The following PLXDC2 variants were observed in gnomAD, a reference collection of about 807,000 sequenced individuals.
The protein encoded by PLXDC2 is plexin domain-containing protein 2.
PLXDC2 carries 40 observed loss-of-function variants against 68.9 expected under a neutral mutation model. That is an observed-to-expected ratio of 0.58 (90% confidence interval 0.45 to 0.76). The LOEUF (loss-of-function observed/expected upper bound fraction) is 0.76, where lower values mean the gene tolerates loss of function less well. Ranked by LOEUF, PLXDC2 falls within the 30% of genes least tolerant of loss-of-function variation. The probability of loss-of-function intolerance (pLI) is 0.00; values close to 1 mark genes in which losing one functional copy is unlikely to be tolerated. For missense variants in PLXDC2, 644 were observed against 661.9 expected, an observed-to-expected ratio of 0.97 and a Z score of 0.30; for synonymous variants, 243 against 234.2, an observed-to-expected ratio of 1.04 and a Z score of -0.34.
At chr10:20,060,169 A>G (rs1836074759) in intron 3 of PLXDC2, among the ~76,000 whole-genome samples, 1 of 152,096 alleles carries the variant, frequency 6.6e-6, no homozygotes, top group African/African-American at 2.4e-5. Context: ...AGTAGCTGGG[A>G]TTGCAGGCCA....
In PLXDC2 at chr10:20,287,652, A is replaced by G. The variant is rs1836173664; in HGVS notation, c.*7833A>G. ...TCACTTGCAAAGAAATGTTAAAATC[A>G]TTTTAGGGAAATCAGTGAAGTCTCT... On this transcript the variant is annotated 3_prime_UTR_variant, in exon 14 of 14. Transcript: ENST00000377252. 1 of 152,308 alleles carries G rather than the reference A, an allele frequency of 6.6e-6. No individual in the cohort carries two copies. Among genetic ancestry groups the G allele is most frequent in the African/African-American group, 2.4e-5 (1 of 41,568 alleles). 9.4% of individuals were successfully genotyped at this position (152,308 alleles called of 1,614,324 possible). A position where few individuals can be genotyped will look rare whatever the true frequency, so the allele number is the denominator to read the frequency against.
At chr10:20,145,537 A>G (rs1834064777) in intron 5 of PLXDC2, among the ~76,000 whole-genome samples, 1 of 151,550 alleles carries the variant, frequency 6.6e-6, no homozygotes, top group African/African-American at 2.4e-5. Context: ...ACATGTGCAA[A>G]CAGTACACTT....
intron 1 of PLXDC2, 96 bp downstream of exon 1, chr10:19,817,287 A>G (rs900908766): frequency 4.1e-5 from 41 of 1,005,234 alleles, no homozygotes; most frequent in Middle Eastern, 2.1e-4. Context: ...AACATCACCT[A>G]TCTGCCCTTG....
At chr10:20,015,137 G>A (rs570032290) in intron 2 of PLXDC2, among the ~76,000 whole-genome samples, 12 of 152,298 alleles carry the variant, frequency 7.9e-5, no homozygotes, top group Middle Eastern at 3.4e-3. Flanking sequence ...TTCCAACAGA[G>A]CTTTCCCCCA....
chr10:19,963,058 G>A (rs1834188262), intron 1 of PLXDC2, among the ~76,000 whole-genome samples: 1 of 151,288 alleles, frequency 6.6e-6, no homozygotes, highest in South Asian at 2.1e-4. Context: ...GTAGCTCAGA[G>A]CCCTCCCTTC....
chr10:19,974,941 T>C lies in PLXDC2; in HGVS notation c.113-26834T>C, dbSNP rs970084388. ...TTCTGACCTTCATAATGAAAATGAG[T>C]GTGTTAGACAAGTTATCATTATTCC... On this transcript the variant is annotated intron_variant, in intron 1 of 13. Transcript: ENST00000377252. Among the ~76,000 whole-genome samples, 60 of 152,136 alleles carry C rather than the reference T, an allele frequency of 3.9e-4. 3 individuals are homozygous for C. The highest frequency in any genetic ancestry group is 8.8e-5 in the Non-Finnish European group (6 of 68,012).
At chr10:20,065,168 G>A (rs1025826829) in intron 3 of PLXDC2, among the ~76,000 whole-genome samples, 1 of 152,182 alleles carries the variant, frequency 6.6e-6, no homozygotes, top group South Asian at 2.1e-4. Context: ...ACTGACCAAG[G>A]TTGAGAGAAT....
chr10:19,850,508 G>C (rs1446819517), intron 1 of PLXDC2, among the ~76,000 whole-genome samples: 1 of 152,028 alleles, frequency 6.6e-6, no homozygotes, highest in African/African-American at 2.4e-5. Flanking sequence ...AAAATGCAAA[G>C]CAAATTTGCT....
At chr10:20,073,471 A>G (rs1403587849) in intron 4 of PLXDC2, among the ~76,000 whole-genome samples, 1 of 152,222 alleles carries the variant, frequency 6.6e-6, no homozygotes, top group Non-Finnish European at 1.5e-5. Flanking sequence ...AATAAGCTTA[A>G]GTTTCTAGTT....
intron 12 of PLXDC2, among the ~76,000 whole-genome samples, chr10:20,222,327 G>A (rs922195454): frequency 2.0e-5 from 3 of 152,130 alleles, no homozygotes; most frequent in Non-Finnish European, 4.4e-5. Flanking sequence ...TTTCATCTTT[G>A]ATATGTAAGC....
At chr10:19,889,316 T>G (rs1443644576) in intron 1 of PLXDC2, among the ~76,000 whole-genome samples, 1 of 152,176 alleles carries the variant, frequency 6.6e-6, no homozygotes, top group Non-Finnish European at 1.5e-5. Flanking sequence ...ACTCCTGCTA[T>G]TAATCATGCT....
At position 19,833,035 on chromosome 10, in the gene PLXDC2, C is replaced by G. The variant is rs189724933; in HGVS notation, c.112+15844C>G. Among the ~76,000 whole-genome samples the G allele has an allele frequency of 2.6e-5, 4 of 152,216 alleles. No homozygotes were observed. In the East Asian group the frequency reaches 7.7e-4, roughly 29 times the overall value. On this transcript the variant is annotated intron_variant, in intron 1 of 13. Coordinates refer to ENST00000377252, the MANE Select transcript of PLXDC2 (RefSeq NM_032812.9). ...ATAACTGTTGTCAAAAATGTCTGTTCTCTGAATGTTTGGTGGGTTTCAGTA... is the reference window on the plus strand; with the variant it reads ...ATAACTGTTGTCAAAAATGTCTGTTGTCTGAATGTTTGGTGGGTTTCAGTA...
At chr10:20,220,547 T>C (rs1037101143) in intron 12 of PLXDC2, among the ~76,000 whole-genome samples, 4 of 152,174 alleles carry the variant, frequency 2.6e-5, no homozygotes, top group African/African-American at 9.7e-5. Flanking sequence ...TCTAAAATAT[T>C]CTATCCTGCT....
At chr10:19,885,921 T>C (rs1837838018) in intron 1 of PLXDC2, among the ~76,000 whole-genome samples, 2 of 152,102 alleles carry the variant, frequency 1.3e-5, no homozygotes, top group South Asian at 2.1e-4. Context: ...GGGGATGGCA[T>C]TGAATCTATA....
intron 1 of PLXDC2, among the ~76,000 whole-genome samples, chr10:19,894,054 A>G (rs1838012776): frequency 6.6e-6 from 1 of 152,326 alleles, no homozygotes; most frequent in South Asian, 2.1e-4. Context: ...GAGGAAGTCA[A>G]TGCCCAATCT....
At chr10:19,902,219 T>G (rs1187411046) in intron 1 of PLXDC2, among the ~76,000 whole-genome samples, 2 of 152,164 alleles carry the variant, frequency 1.3e-5, no homozygotes, top group Non-Finnish European at 2.9e-5. Flanking sequence ...ATCATAGCAG[T>G]ATTTTGATGG....
chr10:20,128,761 T>G (rs949116602), intron 4 of PLXDC2, among the ~76,000 whole-genome samples: 1 of 152,160 alleles, frequency 6.6e-6, no homozygotes, highest in African/African-American at 2.4e-5. Context: ...GGGACCAGCT[T>G]ATTGCACATA....
intron 9 of PLXDC2, among the ~76,000 whole-genome samples, chr10:20,188,863 C>G (rs1378391606): frequency 1.3e-5 from 2 of 151,654 alleles, no homozygotes; most frequent in African/African-American, 4.8e-5. Flanking sequence ...TAAATTATTG[C>G]TATCCAAGTG....
At chr10:19,939,515 C>G (rs1014185230) in intron 1 of PLXDC2, among the ~76,000 whole-genome samples, 3 of 152,148 alleles carry the variant, frequency 2.0e-5, no homozygotes, top group African/African-American at 7.2e-5. Context: ...AAAAAGAGAA[C>G]TGTATAGCAG....
Sources: allele counts gnomAD v4.1 joint callset (sites outside exome capture counted in the v4.1 genomes callset), GRCh38; gene constraint gnomAD v4.1.1; transcripts MANE v1.5; gene names NCBI Gene and HGNC (gene_info 2026-07-23, HGNC 2026-07-21).